Variants in STXBP6 observed in about 807,000 individuals in gnomAD.
STXBP6 encodes the protein syntaxin binding protein 6, also known as syntaxin-binding protein 6.
Under a neutral mutation model 26.9 loss-of-function variants are expected in STXBP6, and 21 were observed. The observed-to-expected ratio is 0.78, with a 90% CI of 0.55 to 1.12. The LOEUF (loss-of-function observed/expected upper bound fraction) is 1.12, where lower values mean the gene tolerates loss of function less well. STXBP6 is among the 50% of genes most tolerant of loss of function. The pLI is 0.00. For synonymous variants in STXBP6, 97 were observed against 92.6 expected (o/e 1.05, Z -0.27); for missense variants, 232 against 257.9 (o/e 0.90, Z 0.69).
chr14:24,942,496 C>T (rs2072838266), intron 2 of STXBP6, among the ~76,000 whole-genome samples: 1 of 152,152 alleles, frequency 6.6e-6, no homozygotes, highest in African/African-American at 2.4e-5. Flanking sequence ...ACTTCAGGGG[C>T]CACACTGAGT....
At chr14:24,827,265 C>T (rs1197851303) in intron 4 of STXBP6, among the ~76,000 whole-genome samples, 1 of 152,108 alleles carries the variant, frequency 6.6e-6, no homozygotes, top group East Asian at 1.9e-4. Flanking sequence ...AGTGTGAGAA[C>T]TAAATGAAAT....
chr14:25,047,278 G>A (rs74765861), intron 1 of STXBP6, among the ~76,000 whole-genome samples: 3,661 of 152,228 alleles, frequency 0.024, 63 homozygotes, highest in Middle Eastern at 0.068. Flanking sequence ...TTTACAGTAT[G>A]AAAAGAAGGG....
chr14:24,819,425 T>G, intron 4 of STXBP6: 1 of 599,676 alleles, frequency 1.7e-6, no homozygotes. Flanking sequence ...TGCTTCTCTA[T>G]AAACTCATCA....
At chr14:24,899,401 T>C (rs1352831459) in intron 2 of STXBP6, among the ~76,000 whole-genome samples, 2 of 151,606 alleles carry the variant, frequency 1.3e-5, no homozygotes, top group African/African-American at 4.8e-5. Flanking sequence ...AAATTAGGAG[T>C]GCTTTTTTCC....
chr14:24,879,549 T>C (rs1251118165), intron 2 of STXBP6, among the ~76,000 whole-genome samples: 1 of 152,200 alleles, frequency 6.6e-6, no homozygotes, highest in Non-Finnish European at 1.5e-5. Flanking sequence ...CACTTTTATT[T>C]TCTTGCTTGC....
chr14:24,872,864 G>T (rs1234286821), intron 2 of STXBP6, among the ~76,000 whole-genome samples: 1 of 152,170 alleles, frequency 6.6e-6, no homozygotes, highest in Non-Finnish European at 1.5e-5. Flanking sequence ...CAGAAATCCA[G>T]CTCACACTTC....
chr14:24,897,798 CTTCTG>C (rs1462373241), intron 2 of STXBP6, among the ~76,000 whole-genome samples: 4 of 152,096 alleles, frequency 2.6e-5, no homozygotes, highest in Non-Finnish European at 4.4e-5. Context: ...ACCATGGCTC[CTTCTG>C]TTCTATTTTC....
intron 1 of STXBP6, among the ~76,000 whole-genome samples, chr14:24,976,880 T>TTTTTTTTG (rs2074060892): frequency 7.3e-5 from 10 of 136,174 alleles, no homozygotes; most frequent in South Asian, 2.5e-4. Context: ...TTTTTTTTTT[T>TTTTTTTTG]GAGGCAGAGT....
chr14:24,898,704 A>C (rs1390633132), intron 2 of STXBP6, among the ~76,000 whole-genome samples: 1 of 152,154 alleles, frequency 6.6e-6, no homozygotes, highest in Non-Finnish European at 1.5e-5. Flanking sequence ...ACAAAAAAAG[A>C]AATGGCAAGG....
At chr14:25,006,430 T>C (rs139541202) in intron 1 of STXBP6, among the ~76,000 whole-genome samples, 1 of 152,310 alleles carries the variant, frequency 6.6e-6, no homozygotes, top group Non-Finnish European at 1.5e-5. Flanking sequence ...TATACATACA[T>C]ATATAAAAAA....
intron 2 of STXBP6, among the ~76,000 whole-genome samples, chr14:24,971,142 T>G (rs893718149): frequency 2.0e-5 from 3 of 152,122 alleles, no homozygotes; most frequent in African/African-American, 7.2e-5. Context: ...TTCGGATACC[T>G]CCAGAGGATA....
chr14:24,998,566 G>A (rs1388984077), intron 1 of STXBP6, among the ~76,000 whole-genome samples: 2 of 152,164 alleles, frequency 1.3e-5, no homozygotes, highest in Non-Finnish European at 2.9e-5. Flanking sequence ...TAGAGAGCAT[G>A]ACCTCTTGTG....
Position 24,857,075 on chromosome 14 carries a change from C to T in STXBP6, c.237G>A (p.Gln79=), listed in dbSNP as rs754739612. Residue 79 remains glutamine, a synonymous_variant, in exon 3 of 6, where the codon CAG becomes CAA. Coordinates refer to ENST00000323944, the MANE Select transcript of STXBP6 (RefSeq NM_001394410.1). ...EGSTSFVRRS[Q]WMLEQLRQVN... ...CCTGGCGAAGCTGCTCGAGCATCCACTGTGATCTCCGAACAAATGATGTGG... is the reference window on the plus strand; with the variant it reads ...CCTGGCGAAGCTGCTCGAGCATCCATTGTGATCTCCGAACAAATGATGTGG... 6.2e-7 allele frequency: 1 copy of T among 1,613,100 alleles called. No homozygotes were observed. The highest frequency in any genetic ancestry group is 8.5e-7 in the Non-Finnish European group (1 of 1,179,280).
chr14:24,894,415 T>C (rs1010654716), intron 2 of STXBP6, among the ~76,000 whole-genome samples: 1 of 152,134 alleles, frequency 6.6e-6, no homozygotes, highest in African/African-American at 2.4e-5. Context: ...AGGTGCTGTA[T>C]TGGCCTGGAT....
chr14:24,946,109 T>G (rs1223927644), intron 2 of STXBP6, among the ~76,000 whole-genome samples: 1 of 152,234 alleles, frequency 6.6e-6, no homozygotes, highest in Non-Finnish European at 1.5e-5. Context: ...TATTCTTTAT[T>G]TCAACAAGTC....
intron 3 of STXBP6, among the ~76,000 whole-genome samples, chr14:24,856,681 C>G (rs536818651): frequency 6.6e-6 from 1 of 151,160 alleles, no homozygotes; most frequent in South Asian, 2.1e-4. Context: ...GTCATTAGTG[C>G]CAGTAGGAGA....
chr14:25,018,122 T>C (rs1001485227), intron 1 of STXBP6, among the ~76,000 whole-genome samples: 4 of 152,142 alleles, frequency 2.6e-5, no homozygotes, highest in African/African-American at 9.7e-5. Flanking sequence ...TCTATCACCA[T>C]TGTGTTGTAC....
intron 4 of STXBP6, among the ~76,000 whole-genome samples, chr14:24,844,457 TG>T (rs1187361754): frequency 1.3e-5 from 2 of 152,184 alleles, no homozygotes; most frequent in African/African-American, 4.8e-5. Flanking sequence ...GCATCTGAAG[TG>T]GGGAGTAGTC....
intron 4 of STXBP6, among the ~76,000 whole-genome samples, chr14:24,828,909 G>A (rs2068370022): frequency 1.3e-5 from 2 of 152,180 alleles, no homozygotes; most frequent in Admixed American, 6.5e-5. Flanking sequence ...ACCATTTTGG[G>A]AGAAAACCCG....
Sources: gnomAD v4.1 joint callset for allele counts (sites outside exome capture counted in the v4.1 genomes callset) on GRCh38, gnomAD v4.1.1 for gene constraint, MANE v1.5 for transcripts, NCBI Gene and HGNC (gene_info 2026-07-23, HGNC 2026-07-21) for gene names.